BCAS3: variants seen among roughly 807,000 people sequenced by gnomAD.
The protein encoded by BCAS3 is BCAS3 microtubule associated cell migration factor, also known as BCAS4/BCAS3 fusion.
A neutral mutation model predicts 116.1 loss-of-function variants in BCAS3; 53 were observed. The ratio of observed to expected loss-of-function variants is 0.46; its 90% CI spans 0.37 to 0.57. The LOEUF is 0.57. BCAS3 is among the 20% of genes least tolerant of loss of function. BCAS3 has a pLI of 0.00. For missense variants in BCAS3, 917 were observed against 1,165.4 expected, an observed-to-expected ratio of 0.79 and a Z score of 3.10; for synonymous variants, 391 against 408.2, an observed-to-expected ratio of 0.96 and a Z score of 0.51.
intron 7 of BCAS3, chr17:60,810,667 T>A (rs573513360): frequency 2.7e-5 from 18 of 669,782 alleles, no homozygotes; most frequent in Non-Finnish European, 4.7e-5. Context: ...TAGAGTCAAG[T>A]ATGAGACAGA....
Position 61,302,684 on chromosome 17 carries a change from T to A in BCAS3, c.2426-65643T>A, listed in dbSNP as rs949336414. On this transcript the variant is annotated intron_variant, in intron 22 of 23. Coordinates refer to ENST00000407086, the MANE Select transcript of BCAS3 (RefSeq NM_017679.5). This position sits in a 1 kb window ranked among gnomAD's most constrained non-coding sequence, Gnocchi z 4.4. ...GAGTGACAGAATTCTAGAATTCATATTTTTTTTTCAGCTTTGAAAGAACAG... is the reference window on the plus strand; with the variant it reads ...GAGTGACAGAATTCTAGAATTCATAATTTTTTTTCAGCTTTGAAAGAACAG... Among the ~76,000 whole-genome samples the A allele has an allele frequency of 6.6e-6, 1 of 151,570 alleles. No homozygotes were observed. The highest frequency in any genetic ancestry group is 2.4e-5 in the African/African-American group (1 of 41,288).
chr17:61,266,056 T>A (rs2049672716), intron 22 of BCAS3, among the ~76,000 whole-genome samples: 1 of 152,220 alleles, frequency 6.6e-6, no homozygotes, highest in South Asian at 2.1e-4. Flanking sequence ...GTGGTCAGGG[T>A]CAGTTATTCC....
chr17:61,052,695 G>GTTTC (rs1222418623), intron 19 of BCAS3, among the ~76,000 whole-genome samples: 41 of 146,958 alleles, frequency 2.8e-4, no homozygotes, highest in African/African-American at 5.5e-4. Context: ...TCTGTTGTGA[G>GTTTC]TTTCTTTCTT....
At position 60,993,119 on chromosome 17, in the gene BCAS3, G is replaced by T. The variant is rs1452306580; in HGVS notation, c.1486+2884G>T. Among the ~76,000 whole-genome samples the T allele has an allele frequency of 1.3e-5, 2 of 152,142 alleles. No individual in the cohort carries two copies. The highest frequency in any genetic ancestry group is 2.9e-5 in the Non-Finnish European group (2 of 68,018). ...AAGAGGTTTTTGTGTTAAGATTCAAGCATAATGTGCACAAAAGATTGTGGG... is the reference window on the plus strand; with the variant it reads ...AAGAGGTTTTTGTGTTAAGATTCAATCATAATGTGCACAAAAGATTGTGGG... On this transcript the variant is annotated intron_variant, in intron 15 of 23. Coordinates refer to ENST00000407086, the MANE Select transcript of BCAS3 (RefSeq NM_017679.5). The surrounding 1 kb of genome is among the most constrained non-coding windows in gnomAD (Gnocchi z 4.2).
At chr17:60,712,121 C>T (rs907551056) in intron 5 of BCAS3, among the ~76,000 whole-genome samples, 3 of 152,170 alleles carry the variant, frequency 2.0e-5, no homozygotes, top group South Asian at 2.1e-4. Flanking sequence ...GCCAAGATTG[C>T]GCCACTGCAC....
chr17:60,948,380 T>C (rs1464700897), intron 14 of BCAS3, among the ~76,000 whole-genome samples: 1 of 152,168 alleles, frequency 6.6e-6, no homozygotes, highest in African/African-American at 2.4e-5. Context: ...CACTTCAGCC[T>C]CCCAAAGTGC....
intron 14 of BCAS3, among the ~76,000 whole-genome samples, chr17:60,973,111 G>A (rs185828427): frequency 1.1e-4 from 17 of 152,120 alleles, no homozygotes; most frequent in South Asian, 8.3e-4. Context: ...TTTTTATCAC[G>A]TTATAAAATG....
At chr17:60,845,089 G>A (rs565253984) in intron 7 of BCAS3, among the ~76,000 whole-genome samples, 2 of 152,148 alleles carry the variant, frequency 1.3e-5, no homozygotes, top group African/African-American at 4.8e-5. Flanking sequence ...AATTAGATGG[G>A]CCCGGTGGCG....
At chr17:61,177,603 A>G (rs2079219725) in intron 22 of BCAS3, among the ~76,000 whole-genome samples, 1 of 152,242 alleles carries the variant, frequency 6.6e-6, no homozygotes, top group Non-Finnish European at 1.5e-5. Context: ...GGCAGTGATC[A>G]CTACACTATG....
At chr17:60,739,790 G>A (rs1045606115) in intron 5 of BCAS3, among the ~76,000 whole-genome samples, 6 of 151,816 alleles carry the variant, frequency 4.0e-5, no homozygotes, top group Admixed American at 6.6e-5. Flanking sequence ...AAATTCCCTC[G>A]GTTCCTGTTT....
chr17:60,896,609 T>C (rs927791641), intron 10 of BCAS3, among the ~76,000 whole-genome samples: 1 of 152,110 alleles, frequency 6.6e-6, no homozygotes, highest in Non-Finnish European at 1.5e-5. Context: ...TTTTTGACTT[T>C]AGAGTCTGTT....
chr17:61,027,883 C>T (rs2066370384), intron 16 of BCAS3, among the ~76,000 whole-genome samples: 1 of 151,814 alleles, frequency 6.6e-6, no homozygotes, highest in South Asian at 2.1e-4. Flanking sequence ...TGTTTCTTTT[C>T]CTGTTTCAGG....
intron 15 of BCAS3, among the ~76,000 whole-genome samples, chr17:60,999,834 G>A (rs1293134419): frequency 2.0e-5 from 3 of 152,112 alleles, no homozygotes; most frequent in Non-Finnish European, 4.4e-5. Context: ...TCTTTCAGCA[G>A]TGTTTTGTAG....
chr17:60,954,499 T>C (rs1341291230), intron 14 of BCAS3, among the ~76,000 whole-genome samples: 2 of 152,204 alleles, frequency 1.3e-5, no homozygotes, highest in African/African-American at 4.8e-5. Flanking sequence ...TCCATCACCA[T>C]CATCTAGGTA....
intron 19 of BCAS3, among the ~76,000 whole-genome samples, chr17:61,042,881 C>T (rs1313256979): frequency 2.8e-5 from 3 of 108,920 alleles, no homozygotes. Flanking sequence ...CAGAGCAAGA[C>T]TCCATCTCAC....
At chr17:61,177,755 C>T (rs2079229893) in intron 22 of BCAS3, among the ~76,000 whole-genome samples, 1 of 152,182 alleles carries the variant, frequency 6.6e-6, no homozygotes, top group African/African-American at 2.4e-5. Flanking sequence ...TTTATACCCT[C>T]ATTCTATATT....
intron 22 of BCAS3, among the ~76,000 whole-genome samples, chr17:61,103,714 A>G (rs894888825): frequency 3.3e-5 from 5 of 151,932 alleles, no homozygotes; most frequent in South Asian, 2.1e-4. Context: ...TCTCTGTTTC[A>G]GTTTGTCCTG....
intron 5 of BCAS3, among the ~76,000 whole-genome samples, chr17:60,710,383 T>C (rs1319002774): frequency 6.6e-6 from 1 of 152,106 alleles, no homozygotes; most frequent in African/African-American, 2.4e-5. Context: ...ACCTCAGTAG[T>C]CTAAGAATTA....
chr17:60,940,205 C>G (rs1355878507), intron 13 of BCAS3, among the ~76,000 whole-genome samples: 1 of 152,092 alleles, frequency 6.6e-6, no homozygotes, highest in Non-Finnish European at 1.5e-5. Flanking sequence ...TCACTGATTT[C>G]TAATTTATGT....
Sources: gnomAD v4.1 joint callset for allele counts (sites outside exome capture counted in the v4.1 genomes callset) on GRCh38, gnomAD v4.1.1 for gene constraint, Gnocchi (gnomAD v3.1) non-coding constraint, MANE v1.5 for transcripts, NCBI Gene and HGNC (gene_info 2026-07-23, HGNC 2026-07-21) for gene names.